Variants in SFMBT1 observed in about 807,000 individuals in gnomAD.
The protein encoded by SFMBT1 is Scm like with four mbt domains 1.
A neutral mutation model predicts 108.7 loss-of-function variants in SFMBT1; 32 were observed. The ratio of observed to expected loss-of-function variants is 0.29; its 90% CI spans 0.22 to 0.40. The LOEUF (loss-of-function observed/expected upper bound fraction) is 0.40, where lower values mean the gene tolerates loss of function less well. Among genes scored for constraint, SFMBT1 ranks in the 10% least tolerant of loss-of-function variants. The pLI, the probability that SFMBT1 is intolerant of heterozygous loss-of-function variation, is 1.00. For synonymous variants in SFMBT1, 348 were observed against 369.5 expected (o/e 0.94, Z 0.67); for missense variants, 816 against 1,059.6 (o/e 0.77, Z 3.19).
At chr3:52,974,711 C>T (rs1450386744) in intron 1 of SFMBT1, among the ~76,000 whole-genome samples, 1 of 151,890 alleles carries the variant, frequency 6.6e-6, no homozygotes, top group African/African-American at 2.4e-5. Context: ...AAATCTGAGG[C>T]CAGGCACGGT....
intron 2 of SFMBT1, among the ~76,000 whole-genome samples, chr3:52,956,430 A>C (rs540154868): frequency 6.6e-6 from 1 of 152,204 alleles, no homozygotes; most frequent in East Asian, 1.9e-4. Flanking sequence ...ACTGCACTCC[A>C]GCCTGGTGAT....
chr3:52,931,231 G>T (rs928843357), intron 6 of SFMBT1, among the ~76,000 whole-genome samples, 196 bp from the exon 7 acceptor site: 2 of 152,180 alleles, frequency 1.3e-5, no homozygotes, highest in African/African-American at 4.8e-5. Context: ...AGCCTGGACA[G>T]CTTGGCTCTA....
At position 52,943,539 on chromosome 3, in the gene SFMBT1, C is replaced by T; in HGVS notation, c.178G>A (p.Val60Met). ...FAPGMKLEVA[V>M]RTDPETYWVA... Reference sequence around the variant, plus strand: ...CAGTAGGTCTCAGGATCTGTTCTCACAGCCACCTCCAGCTTCATCCCAGGA... The same window carrying T: ...CAGTAGGTCTCAGGATCTGTTCTCATAGCCACCTCCAGCTTCATCCCAGGA... Residue 60 changes from valine to methionine, a missense_variant, in exon 4 of 21, where the codon GTG becomes ATG. Around this residue, in one of 5 missense-constraint regions of SFMBT1, gnomAD observed 495 missense variants for 607.4 expected, o/e 0.81. Transcript: ENST00000394752. 1 of 1,614,232 alleles carries T rather than the reference C, an allele frequency of 6.2e-7. No homozygotes were observed. Among genetic ancestry groups the T allele is most frequent in the South Asian group, 1.1e-5 (1 of 91,082 alleles).
intron 2 of SFMBT1, among the ~76,000 whole-genome samples, chr3:52,966,043 C>T (rs563778559): frequency 2.3e-5 from 3 of 131,820 alleles, no homozygotes; most frequent in South Asian, 2.5e-4. Context: ...CTAAAGCCGG[C>T]GCGGTGGCTC....
intron 17 of SFMBT1, among the ~76,000 whole-genome samples, chr3:52,908,033 C>T (rs1437094352): frequency 6.6e-6 from 1 of 151,898 alleles, no homozygotes; most frequent in East Asian, 1.9e-4. Context: ...TTAGCTTTGC[C>T]TCTATGGAAC....
At chr3:52,960,362 T>G (rs942349134) in intron 2 of SFMBT1, among the ~76,000 whole-genome samples, 1 of 152,208 alleles carries the variant, frequency 6.6e-6, no homozygotes, top group Non-Finnish European at 1.5e-5. Flanking sequence ...TATGTTTCAC[T>G]TCTTTTAAAA....
At chr3:52,921,566 A>G in intron 11 of SFMBT1, 139 bp downstream of exon 11, 1 of 897,752 alleles carries the variant, frequency 1.1e-6, no homozygotes, top group Non-Finnish European at 1.7e-6. Flanking sequence ...TATTTCGCTT[A>G]GAGTCTTGCA....
At chr3:53,045,315 C>T (rs1305627916) in intron 1 of SFMBT1, 4 of 145,372 alleles carry the variant, frequency 2.8e-5, no homozygotes, top group Non-Finnish European at 1.5e-5. Flanking sequence ...CGGGTTCGCG[C>T]CCCGCCCGGA....
chr3:52,903,732 C>A lies in SFMBT1; in HGVS notation c.*1404G>T, dbSNP rs1239607124. On this transcript the variant is annotated 3_prime_UTR_variant, in exon 21 of 21. Transcript: ENST00000394752. ...AAAGCAAACCATTTAAGGGAGACAA[C>A]CTATGTATGTTTTTCCTCACTCCTC... The A allele has an allele frequency of 6.6e-6, 1 of 152,134 alleles. No individual in the cohort carries two copies. The highest frequency in any genetic ancestry group is 6.5e-5 in the Admixed American group (1 of 15,290). 9.4% of individuals were successfully genotyped at this position (152,134 alleles called of 1,614,324 possible).
intron 2 of SFMBT1, among the ~76,000 whole-genome samples, chr3:52,960,928 G>C (rs955226580): frequency 6.6e-6 from 1 of 152,202 alleles, no homozygotes; most frequent in Non-Finnish European, 1.5e-5. Flanking sequence ...TTAAGCCCAG[G>C]AGTTTGAGAC....
rs765052864 is a variant in SFMBT1 at position 52,920,534 on chromosome 3, T to C, written c.1372+3A>G. 1.1e-5 allele frequency: 17 copies of C among 1,605,902 alleles called. No homozygotes were observed. Among genetic ancestry groups the C allele is most frequent in the Non-Finnish European group, 1.3e-5 (15 of 1,173,284 alleles). On this transcript the variant is annotated splice_donor_region_variant and intron_variant, in intron 12 of 20. Transcript: ENST00000394752. ...ATCCTCTAACCCAGAAATAGACAGA[T>C]ACCTCGTGCTCGGCGAGGAGTGCTG...
intron 1 of SFMBT1, among the ~76,000 whole-genome samples, chr3:53,025,554 T>C (rs1203009874): frequency 6.6e-6 from 1 of 152,086 alleles, no homozygotes; most frequent in East Asian, 1.9e-4. Context: ...AGGTAGATGA[T>C]TCAGTGAGCC....
chr3:52,996,938 G>A (rs573739968), intron 1 of SFMBT1, among the ~76,000 whole-genome samples: 10 of 149,552 alleles, frequency 6.7e-5, no homozygotes, highest in South Asian at 2.1e-4. Flanking sequence ...GCGTAGTGGC[G>A]GTCGCCTGCA....
chr3:52,960,627 C>CTATG (rs1703929545), intron 2 of SFMBT1, among the ~76,000 whole-genome samples: 1 of 151,842 alleles, frequency 6.6e-6, no homozygotes, highest in Admixed American at 6.6e-5. Context: ...ATCTATCTAT[C>CTATG]TATCTATCTC....
chr3:52,975,663 G>A (rs953376171), intron 1 of SFMBT1, among the ~76,000 whole-genome samples: 5 of 152,096 alleles, frequency 3.3e-5, no homozygotes, highest in South Asian at 4.2e-4. Flanking sequence ...ATGTAGTGGC[G>A]CAATCCCGTT....
At chr3:53,019,229 G>A (rs534434486) in intron 1 of SFMBT1, 1 of 152,304 alleles carries the variant, frequency 6.6e-6, no homozygotes, top group Non-Finnish European at 1.5e-5. Flanking sequence ...AGAAGGTCCA[G>A]AGGGCTGCAG....
chr3:53,002,140 C>T (rs1192128006), intron 1 of SFMBT1, among the ~76,000 whole-genome samples: 2 of 149,624 alleles, frequency 1.3e-5, no homozygotes, highest in Admixed American at 6.8e-5. Flanking sequence ...GTGGCTCACG[C>T]CTGTAATCCC....
intron 13 of SFMBT1, among the ~76,000 whole-genome samples, chr3:52,917,437 A>G (rs1297243424): frequency 6.6e-6 from 1 of 152,208 alleles, no homozygotes; most frequent in African/African-American, 2.4e-5. Flanking sequence ...ATGCAAGGAC[A>G]CAGCCAGAAG....
intron 1 of SFMBT1, among the ~76,000 whole-genome samples, chr3:52,977,499 C>T (rs936865219): frequency 6.6e-6 from 1 of 150,668 alleles, no homozygotes; most frequent in South Asian, 2.1e-4. Flanking sequence ...TGTGAGACTT[C>T]GTATCAAAAA....
Sources: allele counts gnomAD v4.1 joint callset (sites outside exome capture counted in the v4.1 genomes callset), GRCh38; gene constraint gnomAD v4.1.1; regional missense constraint gnomAD v4.1.1; transcripts MANE v1.5; gene names NCBI Gene and HGNC (gene_info 2026-07-23, HGNC 2026-07-21).